Variants in CCBE1 observed in about 807,000 individuals in gnomAD.
The protein encoded by CCBE1 is collagen and calcium binding EGF domains 1, also known as collagen and calcium-binding EGF domain-containing protein 1.
In CCBE1, 37 loss-of-function variants were observed where a neutral mutation model predicts 50.0. The observed-to-expected ratio is 0.74, with a 90% CI of 0.57 to 0.97. The LOEUF (loss-of-function observed/expected upper bound fraction) is 0.97. Among genes scored for constraint, CCBE1 ranks in the 50% least tolerant of loss-of-function variants. CCBE1 has a pLI of 0.00. For missense variants in CCBE1, 538 were observed against 523.8 expected (o/e 1.03, Z -0.26); for synonymous variants, 234 against 203.7 (o/e 1.15, Z -1.27).
chr18:59,674,557 G>A (rs544905566), intron 2 of CCBE1, among the ~76,000 whole-genome samples: 3 of 152,034 alleles, frequency 2.0e-5, no homozygotes, highest in Non-Finnish European at 4.4e-5. Context: ...ACCATGGCAC[G>A]TATATACCTA....
chr18:59,439,428 T>C (rs1910310793), intron 9 of CCBE1, 115 bp downstream of exon 9: 12 of 1,273,028 alleles, frequency 9.4e-6, no homozygotes, highest in African/African-American at 2.9e-5. Flanking sequence ...GATTGTGCCA[T>C]TGCACTCCAG....
At chr18:59,483,141 TAAAAC>T (rs1357800699) in intron 2 of CCBE1, among the ~76,000 whole-genome samples, 1 of 152,212 alleles carries the variant, frequency 6.6e-6, no homozygotes, top group African/African-American at 2.4e-5. Context: ...ATCTGTGTCT[TAAAAC>T]AAGTTTCAGC....
chr18:59,463,943 T>G (rs991566941), intron 5 of CCBE1: 2 of 152,232 alleles, frequency 1.3e-5, no homozygotes, highest in African/African-American at 4.8e-5. Flanking sequence ...AATGAAAAAT[T>G]AGAAAGCTGC....
rs1910094807 is a variant in CCBE1 at position 59,435,155 on chromosome 18, AAG to A, written c.*751_*752del. On this transcript the variant is annotated 3_prime_UTR_variant, in exon 11 of 11. Coordinates refer to ENST00000439986, the MANE Select transcript of CCBE1 (RefSeq NM_133459.4). ...AGGCATTTCACTTTGTTTTTTTGAAAAGAGAGTTTAATCTTCTTCCCTAAATA... is the reference window on the plus strand; with the variant it reads ...AGGCATTTCACTTTGTTTTTTTGAAAAGAGTTTAATCTTCTTCCCTAAATA... 6.6e-6 allele frequency: 1 copy of A among 152,230 alleles called. No individual in the cohort carries two copies. Among genetic ancestry groups the A allele is most frequent in the East Asian group, 1.9e-4 (1 of 5,208 alleles). 9.4% of individuals were successfully genotyped at this position (152,230 alleles called of 1,614,324 possible). A position where few individuals can be genotyped will look rare whatever the true frequency, so the allele number is the denominator to read the frequency against.
intron 2 of CCBE1, among the ~76,000 whole-genome samples, chr18:59,519,482 T>C (rs1914508880): frequency 1.3e-5 from 2 of 151,446 alleles, no homozygotes; most frequent in African/African-American, 4.9e-5. Flanking sequence ...GCCACAAACA[T>C]ATGGCTTTCC....
rs368826749 is a variant in CCBE1 at position 59,696,729 on chromosome 18, A to G, written c.132-20T>C. The G allele has an allele frequency of 3.8e-5, 62 of 1,612,362 alleles. No homozygotes were observed. Among genetic ancestry groups the G allele is most frequent in the Non-Finnish European group, 4.3e-5 (51 of 1,178,934 alleles). ...ATTTCTCTATGAAAAAGTGCAGAGG[A>G]AATGTTCGATTCTCAGCGGGAGAGC... On this transcript the variant is annotated intron_variant, in intron 1 of 10. Coordinates refer to ENST00000439986, the MANE Select transcript of CCBE1 (RefSeq NM_133459.4).
intron 2 of CCBE1, among the ~76,000 whole-genome samples, chr18:59,597,279 C>A (rs1374851818): frequency 6.6e-6 from 1 of 152,196 alleles, no homozygotes; most frequent in African/African-American, 2.4e-5. Flanking sequence ...TCATAAAAAG[C>A]ACTTTGAATG....
At chr18:59,680,112 T>G (rs1433472455) in intron 2 of CCBE1, among the ~76,000 whole-genome samples, 1 of 151,796 alleles carries the variant, frequency 6.6e-6, no homozygotes, top group East Asian at 1.9e-4. Context: ...TCCCAGCTAC[T>G]CGGGAGACTG....
chr18:59,666,297 C>T (rs941000189), intron 2 of CCBE1: 1 of 152,156 alleles, frequency 6.6e-6, no homozygotes, highest in African/African-American at 2.4e-5. Context: ...TCTCATGGCA[C>T]ATGGGAATTG....
rs149637434 is a variant in CCBE1 at position 59,440,481 on chromosome 18, C to T, written c.776-665G>A. 3.3e-3 allele frequency among the ~76,000 whole-genome samples: 505 copies of T among 152,198 alleles called. 1 individual carries two copies. Among genetic ancestry groups the T allele is most frequent in the African/African-American group, 0.012 (483 of 41,500 alleles). ...CTTGCCTCATTGCTAGTCTTTCTGC[C>T]CCGAACCAGTCTTTTCACCCCTTGC... On this transcript the variant is annotated intron_variant, in intron 7 of 10. Transcript: ENST00000439986.
intron 2 of CCBE1, among the ~76,000 whole-genome samples, chr18:59,695,846 A>T (rs945528502): frequency 3.3e-5 from 5 of 152,188 alleles, no homozygotes; most frequent in African/African-American, 1.2e-4. Flanking sequence ...GATATCCAAT[A>T]AACGTTTATG....
intron 5 of CCBE1, among the ~76,000 whole-genome samples, chr18:59,466,337 G>C (rs12455691): frequency 0.013 from 1,913 of 151,892 alleles, 87 homozygotes; most frequent in East Asian, 0.1. Flanking sequence ...GCAGTTCTCC[G>C]GTACACGTTC....
intron 2 of CCBE1, among the ~76,000 whole-genome samples, chr18:59,541,092 A>G (rs1353703540): frequency 1.3e-5 from 2 of 152,334 alleles, no homozygotes; most frequent in Non-Finnish European, 2.9e-5. Context: ...TGAGATCATC[A>G]TGTCATTAAT....
At chr18:59,458,130 ATC>A (rs1911283640) in intron 5 of CCBE1, among the ~76,000 whole-genome samples, 1 of 149,440 alleles carries the variant, frequency 6.7e-6, no homozygotes, top group Non-Finnish European at 1.5e-5. Flanking sequence ...CAATCCATCC[ATC>A]CATCCATCCA....
chr18:59,439,322 G>A (rs115773572), intron 9 of CCBE1, among the ~76,000 whole-genome samples: 227 of 151,772 alleles, frequency 1.5e-3, no homozygotes, highest in African/African-American at 5.0e-3. Context: ...AAAATTAGCC[G>A]GGAGTGGTGG....
intron 2 of CCBE1, among the ~76,000 whole-genome samples, chr18:59,586,577 T>C (rs974961349): frequency 1.3e-5 from 2 of 152,068 alleles, no homozygotes; most frequent in African/African-American, 4.8e-5. Context: ...TGATCAGAAA[T>C]GTAATACTCT....
chr18:59,550,978 C>G (rs1452986816), intron 2 of CCBE1, among the ~76,000 whole-genome samples: 1 of 120,700 alleles, frequency 8.3e-6, no homozygotes, highest in East Asian at 2.3e-4. Flanking sequence ...GCACTCCAGC[C>G]TGGGCAACAC....
At position 59,431,568 on chromosome 18, in the gene CCBE1, A is replaced by G. The variant is rs946385733; in HGVS notation, c.*4340T>C. 1 of 152,200 alleles carries G rather than the reference A, an allele frequency of 6.6e-6. No individual in the cohort carries two copies. The highest frequency in any genetic ancestry group is 2.4e-5 in the African/African-American group (1 of 41,454). 9.4% of individuals were successfully genotyped at this position (152,200 alleles called of 1,614,324 possible). A position where few individuals can be genotyped will look rare whatever the true frequency, so the allele number is the denominator to read the frequency against. ...AGTTGCTACCTGAAAACCTACAGAAATGTCTGGCCTGGAGAAGCCCTCCCT... is the reference window on the plus strand; with the variant it reads ...AGTTGCTACCTGAAAACCTACAGAAGTGTCTGGCCTGGAGAAGCCCTCCCT... On this transcript the variant is annotated 3_prime_UTR_variant, in exon 11 of 11. Transcript: ENST00000439986.
intron 2 of CCBE1, among the ~76,000 whole-genome samples, chr18:59,689,177 C>T (rs144123953): frequency 1.0e-3 from 157 of 152,286 alleles, no homozygotes; most frequent in African/African-American, 3.7e-3. Flanking sequence ...TTGAGAGCCC[C>T]CCTGTATCTC....
Sources: gnomAD v4.1 joint callset for allele counts (sites outside exome capture counted in the v4.1 genomes callset) on GRCh38, gnomAD v4.1.1 for gene constraint, MANE v1.5 for transcripts, NCBI Gene and HGNC (gene_info 2026-07-23, HGNC 2026-07-21) for gene names.